Variants in S100Z observed in about 807,000 individuals in gnomAD.
S100Z encodes the protein protein S100-Z.
S100Z carries 11 observed loss-of-function variants against 8.5 expected under a neutral mutation model. The observed-to-expected ratio is 1.30, with a 90% CI of 0.82 to 2.15. The LOEUF is 2.15. S100Z is among the 30% of genes most tolerant of loss of function. S100Z has a pLI of 0.00. For synonymous variants in S100Z, 34 were observed against 43.8 expected (o/e 0.78, Z 0.89); for missense variants, 126 against 117.9 (o/e 1.07, Z -0.32).
chr5:76,899,460 A>T (rs1225641860), intron 4 of S100Z, among the ~76,000 whole-genome samples: 4 of 137,556 alleles, frequency 2.9e-5, no homozygotes, highest in East Asian at 2.1e-4. Flanking sequence ...TAGTGAAGTG[A>T]TTTTCTCTGG....
chr5:76,863,189 A>G (rs1751116664), intron 1 of S100Z, among the ~76,000 whole-genome samples: 1 of 152,224 alleles, frequency 6.6e-6, no homozygotes, highest in Admixed American at 6.5e-5. Flanking sequence ...CCAGGAGGAA[A>G]AGAGTATAGT....
chr5:76,860,330 G>A (rs1250085208), intron 1 of S100Z, among the ~76,000 whole-genome samples: 1 of 152,158 alleles, frequency 6.6e-6, no homozygotes, highest in Admixed American at 6.5e-5. Context: ...AGAAAACAGA[G>A]GGAAAATATG....
At chr5:76,858,914 C>G (rs1750965939) in intron 1 of S100Z, among the ~76,000 whole-genome samples, 1 of 152,016 alleles carries the variant, frequency 6.6e-6, no homozygotes, top group African/African-American at 2.4e-5. Context: ...AGTTTGAGAC[C>G]AGCTTGGCCA....
chr5:76,871,907 T>A (rs1393241067), intron 2 of S100Z, among the ~76,000 whole-genome samples: 1 of 152,200 alleles, frequency 6.6e-6, no homozygotes, highest in African/African-American at 2.4e-5. Flanking sequence ...ACCTTACATA[T>A]ACTGATTTAT....
intron 3 of S100Z, 139 bp from the exon 4 acceptor site, chr5:76,877,535 T>G (rs1008065745): frequency 1.6e-6 from 1 of 606,522 alleles, no homozygotes; most frequent in Non-Finnish European, 2.9e-6. Context: ...TACACCTACC[T>G]GTAAATAGGT....
At chr5:76,925,488 G>A (rs1580075335), downstream of S100Z, among the ~76,000 whole-genome samples, 1 of 152,188 alleles carries the variant, frequency 6.6e-6, no homozygotes, top group Non-Finnish European at 1.5e-5. Context: ...TTATCTCTCT[G>A]TCCTCCTGAG....
intron 4 of S100Z, among the ~76,000 whole-genome samples, chr5:76,901,742 C>G (rs1254786995): frequency 6.6e-6 from 1 of 152,178 alleles, no homozygotes; most frequent in African/African-American, 2.4e-5. Flanking sequence ...GACAAAGTCC[C>G]CTTTACTTTA....
the S100Z span, chr5:76,948,910 T>C: frequency 5.3e-5 from 8 of 152,104 alleles, no homozygotes; most frequent in Admixed American, 1.3e-4. Context: ...CATGGACACA[T>C]AGAGGGAAAT....
At chr5:76,858,070 A>G (rs541154431) in intron 1 of S100Z, among the ~76,000 whole-genome samples, 5 of 152,176 alleles carry the variant, frequency 3.3e-5, no homozygotes, top group Non-Finnish European at 5.9e-5. Context: ...ATCTTTTGAT[A>G]TAAGGTATAA....
intron 4 of S100Z, among the ~76,000 whole-genome samples, chr5:76,880,055 G>A (rs1743338924): frequency 6.6e-6 from 1 of 152,204 alleles, no homozygotes; most frequent in African/African-American, 2.4e-5. Context: ...GGGATAGGTG[G>A]TGGAGTTAGG....
At chr5:76,919,589 TCC>T (rs398109056) in intron 4 of S100Z, among the ~76,000 whole-genome samples, 1 of 117,866 alleles carries the variant, frequency 8.5e-6, no homozygotes, top group Non-Finnish European at 1.7e-5. Context: ...TCTTTCTCTC[TCC>T]CTCTCTTTCT....
chr5:76,916,594 T>C (rs1286785447), intron 4 of S100Z, among the ~76,000 whole-genome samples: 3 of 150,868 alleles, frequency 2.0e-5, no homozygotes, highest in African/African-American at 4.9e-5. Context: ...GTGTGTTTTC[T>C]GACTACAGTG....
intron 3 of S100Z, among the ~76,000 whole-genome samples, chr5:76,877,296 G>T (rs548558556): frequency 6.6e-6 from 1 of 152,010 alleles, no homozygotes; most frequent in Non-Finnish European, 1.5e-5. Flanking sequence ...GCTCAAATTC[G>T]CTCGTTGGTA....
the S100Z span, among the ~76,000 whole-genome samples, chr5:76,945,503 A>T: frequency 6.6e-6 from 1 of 152,210 alleles, no homozygotes; most frequent in Admixed American, 6.5e-5. Context: ...CATTTGTTCT[A>T]TTCTGAGATA....
At chr5:76,851,417 C>A (rs1314877017) in intron 1 of S100Z, among the ~76,000 whole-genome samples, 1 of 152,060 alleles carries the variant, frequency 6.6e-6, no homozygotes, top group African/African-American at 2.4e-5. Flanking sequence ...TGCAGTAATT[C>A]AGGCCAGAAG....
At chr5:76,896,706 C>T (rs1013768030) in intron 4 of S100Z, among the ~76,000 whole-genome samples, 2 of 152,148 alleles carry the variant, frequency 1.3e-5, no homozygotes, top group Non-Finnish European at 2.9e-5. Flanking sequence ...ATTCATTTTA[C>T]CTGTCTTTTG....
chr5:76,951,341 A>C, the S100Z span, among the ~76,000 whole-genome samples: 1 of 152,190 alleles, frequency 6.6e-6, no homozygotes, highest in African/African-American at 2.4e-5. Flanking sequence ...GCACATGTGC[A>C]TATGCTTGTA....
At chr5:76,917,556 A>G (rs1744892727) in intron 4 of S100Z, among the ~76,000 whole-genome samples, 1 of 152,184 alleles carries the variant, frequency 6.6e-6, no homozygotes, top group Admixed American at 6.5e-5. Context: ...GGCCTGGCAC[A>G]GTGGTTCACA....
At position 76,882,951 on chromosome 5, in the gene S100Z, G is replaced by A. The variant is rs369906292; in HGVS notation, c.*2+5117G>A. The stretch of plus-strand genomic sequence containing the variant: ...GTATATGGGTTTGGCACCATGGGGT[G>A]GATAGGCAAGACAATTTGGTTGATA... On this transcript the variant is annotated intron_variant, in intron 4 of 4. Coordinates refer to ENST00000317593, the MANE Select transcript of S100Z (RefSeq NM_130772.4). 8.5e-5 allele frequency among the ~76,000 whole-genome samples: 13 copies of A among 152,276 alleles called. No homozygotes were observed. The South Asian group carries it at 2.5e-3, about 29-fold the overall frequency.
Sources: allele counts gnomAD v4.1 joint callset (sites outside exome capture counted in the v4.1 genomes callset), GRCh38; gene constraint gnomAD v4.1.1; transcripts MANE v1.5; gene names NCBI Gene and HGNC (gene_info 2026-07-23, HGNC 2026-07-21).